MED12L: variants seen among roughly 807,000 people sequenced by gnomAD.
The protein encoded by MED12L is mediator of RNA polymerase II transcription subunit 12-like protein.
MED12L carries 60 observed loss-of-function variants against 281.3 expected under a neutral mutation model. The ratio of observed to expected loss-of-function variants is 0.21; its 90% CI spans 0.17 to 0.26. The LOEUF (loss-of-function observed/expected upper bound fraction) is 0.26, where lower values mean the gene tolerates loss of function less well. Among genes scored for constraint, MED12L ranks in the 10% least tolerant of loss-of-function variants. The probability of loss-of-function intolerance (pLI) is 1.00; values close to 1 mark genes in which losing one functional copy is unlikely to be tolerated. For missense variants in MED12L, 2,146 were observed against 2,680.9 expected (o/e 0.80, Z 4.41); for synonymous variants, 974 against 987.2 (o/e 0.99, Z 0.25).
At chr3:151,375,176 AC>A (rs1756677461) in intron 27 of MED12L, among the ~76,000 whole-genome samples, 1 of 152,188 alleles carries the variant, frequency 6.6e-6, no homozygotes, top group South Asian at 2.1e-4. Context: ...GGGTGCCACC[AC>A]CTGAGTTTGA....
chr3:151,378,047 C>G lies in MED12L; in HGVS notation c.4352C>G (p.Pro1451Arg). 1 of 1,610,040 alleles carries G rather than the reference C, an allele frequency of 6.2e-7. No individual in the cohort carries two copies. Among genetic ancestry groups the G allele is most frequent in the Non-Finnish European group, 8.5e-7 (1 of 1,177,644 alleles). ...CGCAGGGGTGTATGGTTGGTGGCCC[C>G]CCTCATCGCCAGGTTGCCAACTTCT... ...SERRGVWLVAPLIARLPTSVQ... is the reference protein window; with the variant it reads ...SERRGVWLVARLIARLPTSVQ... Residue 1451 changes from proline to arginine, a missense_variant, in exon 31 of 45, where the codon CCC becomes CGC. By Grantham distance (103) the Pro-to-Arg change is moderately radical (BLOSUM62 -2). Around this residue, in one of 9 missense-constraint regions of MED12L, gnomAD observed 212 missense variants for 340.8 expected, o/e 0.62. Transcript: ENST00000687756.
chr3:151,300,235 G>A, intron 16 of MED12L: 2 of 727,710 alleles, frequency 2.7e-6, no homozygotes, highest in Non-Finnish European at 5.0e-6. Flanking sequence ...AAAATCATCT[G>A]GGAAGGAATT....
chr3:151,300,320 A>G (rs1246243102), intron 16 of MED12L: 2 of 590,240 alleles, frequency 3.4e-6, no homozygotes, highest in Non-Finnish European at 6.1e-6. Flanking sequence ...CTCTTTGGAG[A>G]TGAACACCTG....
At position 151,287,023 on chromosome 3, in the gene MED12L, A is replaced by G. The variant is rs139423298; in HGVS notation, c.2251-63036A>G. 1.7e-4 allele frequency among the ~76,000 whole-genome samples: 26 copies of G among 152,272 alleles called. No individual in the cohort carries two copies. The East Asian group carries it at 4.1e-3, about 24-fold the overall frequency. ...TTCATCTCTAATTAGGGGCAATGCT[A>G]GTACTTCCTTATGGGTTTGTTTTGG... On this transcript the variant is annotated intron_variant, in intron 16 of 44. Transcript: ENST00000687756.
At chr3:151,148,475 C>T (rs1170071284) in intron 5 of MED12L, among the ~76,000 whole-genome samples, 1 of 152,208 alleles carries the variant, frequency 6.6e-6, no homozygotes, top group African/African-American at 2.4e-5. Flanking sequence ...ATTCAGTCTG[C>T]ACCAACGTCA....
intron 12 of MED12L, 174 bp from the exon 13 acceptor site, chr3:151,188,180 G>C: frequency 2.1e-6 from 1 of 471,296 alleles, no homozygotes; most frequent in Non-Finnish European, 3.7e-6. Flanking sequence ...TTAGTACTTG[G>C]ATGGAGAAAT....
intron 16 of MED12L, among the ~76,000 whole-genome samples, chr3:151,311,036 T>G (rs1034633577): frequency 6.6e-6 from 1 of 152,176 alleles, no homozygotes; most frequent in Admixed American, 6.6e-5. Flanking sequence ...GAGCAAGAAG[T>G]AGTGTACCAT....
intron 5 of MED12L, among the ~76,000 whole-genome samples, chr3:151,148,547 G>C (rs1280495272): frequency 6.6e-6 from 1 of 152,046 alleles, no homozygotes; most frequent in African/African-American, 2.4e-5. Flanking sequence ...CTCAGAAGGG[G>C]GTATTATTGT....
chr3:151,176,087 C>T (rs1373234712), intron 11 of MED12L, among the ~76,000 whole-genome samples: 3 of 152,138 alleles, frequency 2.0e-5, no homozygotes, highest in Non-Finnish European at 4.4e-5. Context: ...ACAGTGTGGA[C>T]CCCTGTCCCA....
At chr3:151,176,918 T>C (rs899120763) in intron 11 of MED12L, among the ~76,000 whole-genome samples, 1 of 152,220 alleles carries the variant, frequency 6.6e-6, no homozygotes, top group Non-Finnish European at 1.5e-5. Flanking sequence ...TAACACAGTG[T>C]ATTACTTTTA....
Position 151,116,397 on chromosome 3 carries a change from A to G in MED12L, c.159A>G (p.Gly53=). 1 of 1,613,620 alleles carries G rather than the reference A, an allele frequency of 6.2e-7. No individual in the cohort carries two copies. Among genetic ancestry groups the G allele is most frequent in the Non-Finnish European group, 8.5e-7 (1 of 1,179,642 alleles). Residue 53 remains glycine, a synonymous_variant, in exon 3 of 45, where the codon GGA becomes GGG. Coordinates refer to ENST00000687756, the MANE Select transcript of MED12L (RefSeq NM_001393769.1). ...TCAATAATCAGCCAGCCTTCACTGG[A>G]GATGAACATGGCTCAGCCAGAAATA... ...QGFNNQPAFT[G]DEHGSARNIV...
At chr3:151,160,179 C>A (rs1719802069) in intron 8 of MED12L, 78 bp downstream of exon 8, 1 of 1,345,508 alleles carries the variant, frequency 7.4e-7, no homozygotes, top group African/African-American at 1.5e-5. Context: ...ATTTTCAATT[C>A]TCTAGTTGAC....
intron 16 of MED12L, among the ~76,000 whole-genome samples, chr3:151,317,640 CG>C (rs1748460775): frequency 6.6e-6 from 1 of 151,090 alleles, no homozygotes; most frequent in Non-Finnish European, 1.5e-5. Flanking sequence ...TTAGTAGAGA[CG>C]GGGTTTCTCT....
intron 4 of MED12L, 75 bp from the exon 5 acceptor site, chr3:151,127,750 C>T (rs1304592483): frequency 1.6e-5 from 17 of 1,040,484 alleles, no homozygotes; most frequent in Non-Finnish European, 2.3e-5. Context: ...TCTTTTGCTT[C>T]CCCTTTATTT....
At chr3:151,256,241 A>T (rs1262721990) in intron 16 of MED12L, among the ~76,000 whole-genome samples, 1 of 152,240 alleles carries the variant, frequency 6.6e-6, no homozygotes, top group Non-Finnish European at 1.5e-5. Flanking sequence ...CTAATACAAG[A>T]GGAAATAAGA....
intron 2 of MED12L, among the ~76,000 whole-genome samples, chr3:151,108,717 G>A (rs1711497959): frequency 1.3e-5 from 2 of 152,222 alleles, no homozygotes; most frequent in African/African-American, 2.4e-5. Context: ...ATGTGACTAG[G>A]GGACGGAAAA....
chr3:151,155,882 C>T lies in MED12L; in HGVS notation c.557-279C>T, dbSNP rs150616473. Among the ~76,000 whole-genome samples, 75 of 152,262 alleles carry T rather than the reference C, an allele frequency of 4.9e-4. No individual in the cohort carries two copies. The East Asian group carries it at 0.013, about 26-fold the overall frequency. ...AATTCGAGAGTGAACATCTCTTCTC[C>T]TAGGTTAAGAGTCACAGAAGCACAA... is the stretch of plus-strand genomic sequence containing the variant. On this transcript the variant is annotated intron_variant, in intron 5 of 44. Coordinates refer to ENST00000687756, the MANE Select transcript of MED12L (RefSeq NM_001393769.1).
chr3:151,346,987 A>G (rs1752626137), intron 16 of MED12L, among the ~76,000 whole-genome samples: 1 of 152,312 alleles, frequency 6.6e-6, no homozygotes, highest in South Asian at 2.1e-4. Flanking sequence ...ATTTATTAGT[A>G]TACATTATAA....
At chr3:151,344,487 TC>T (rs1249959388) in intron 16 of MED12L, among the ~76,000 whole-genome samples, 2 of 152,182 alleles carry the variant, frequency 1.3e-5, no homozygotes, top group South Asian at 2.1e-4. Flanking sequence ...TTTTAAGGCA[TC>T]TTTTAAGAGT....
Sources: gnomAD v4.1 joint callset for allele counts (sites outside exome capture counted in the v4.1 genomes callset) on GRCh38, gnomAD v4.1.1 for gene constraint, gnomAD v4.1.1 regional missense constraint, MANE v1.5 for transcripts, NCBI Gene and HGNC (gene_info 2026-07-23, HGNC 2026-07-21) for gene names.